DSCAM: variants seen among roughly 807,000 people sequenced by gnomAD.
DSCAM encodes the protein cell adhesion molecule DSCAM.
DSCAM carries 47 observed loss-of-function variants against 217.7 expected under a neutral mutation model. The ratio of observed to expected loss-of-function variants is 0.22; its 90% confidence interval spans 0.17 to 0.28. DSCAM has a LOEUF of 0.28. Among genes scored for constraint, DSCAM ranks in the 10% least tolerant of loss-of-function variants. The pLI is 1.00. For synonymous variants in DSCAM, 1,056 were observed against 1,015.3 expected (o/e 1.04, Z -0.76); for missense variants, 2,080 against 2,618.3 (o/e 0.79, Z 4.49).
At position 40,652,566 on chromosome 21, in the gene DSCAM, A is replaced by G. The variant is rs143127615; in HGVS notation, c.508+40244T>C. On this transcript the variant is annotated intron_variant, in intron 3 of 32. Transcript: ENST00000400454. The stretch of plus-strand genomic sequence containing the variant: ...GACCTATCCACAGGAGGCACATCCA[A>G]TGGGAGGAGACACAGTGGAAACCAC... Among the ~76,000 whole-genome samples, 1,006 of 152,262 alleles carry G rather than the reference A, an allele frequency of 6.6e-3. 11 individuals carry two copies. The highest frequency in any genetic ancestry group is 0.023 in the African/African-American group (937 of 41,538).
intron 3 of DSCAM, among the ~76,000 whole-genome samples, chr21:40,612,608 T>C (rs1030434833): frequency 7.9e-5 from 12 of 152,204 alleles, no homozygotes; most frequent in African/African-American, 2.9e-4. Context: ...CTGAGTCCTG[T>C]CCAAATCTCA....
chr21:40,528,662 A>G (rs1399107024), intron 3 of DSCAM, among the ~76,000 whole-genome samples: 1 of 152,084 alleles, frequency 6.6e-6, no homozygotes, highest in Non-Finnish European at 1.5e-5. Flanking sequence ...CCTTAAGGTC[A>G]CAAGCCTTGA....
intron 11 of DSCAM, among the ~76,000 whole-genome samples, chr21:40,205,569 C>T (rs1043526536): frequency 3.4e-5 from 5 of 148,668 alleles, no homozygotes; most frequent in Non-Finnish European, 5.9e-5. Flanking sequence ...CACCATTGCA[C>T]TCCAGCTTGG....
intron 3 of DSCAM, among the ~76,000 whole-genome samples, chr21:40,479,335 G>C (rs919935309): frequency 1.3e-5 from 2 of 152,122 alleles, no homozygotes; most frequent in Non-Finnish European, 2.9e-5. Context: ...CATCATTAAC[G>C]GTGCAGGGGT....
intron 3 of DSCAM, among the ~76,000 whole-genome samples, chr21:40,445,562 G>A (rs1436754844): frequency 6.6e-6 from 1 of 152,094 alleles, no homozygotes; most frequent in Non-Finnish European, 1.5e-5. Context: ...TGCCTCCCTT[G>A]CCCATCATCA....
intron 16 of DSCAM, among the ~76,000 whole-genome samples, chr21:40,149,073 C>T (rs953024940): frequency 3.9e-5 from 6 of 152,132 alleles, no homozygotes; most frequent in African/African-American, 1.2e-4. Context: ...CACTCAATCA[C>T]TATCCCAACA....
intron 3 of DSCAM, among the ~76,000 whole-genome samples, chr21:40,475,005 AT>A (rs1255546872): frequency 6.6e-6 from 1 of 151,824 alleles, no homozygotes; most frequent in East Asian, 1.9e-4. Flanking sequence ...AAAAAAGCCC[AT>A]CACCCCAAAC....
intron 27 of DSCAM, among the ~76,000 whole-genome samples, chr21:40,070,181 AG>A (rs2089270408): frequency 6.7e-6 from 1 of 149,896 alleles, no homozygotes; most frequent in African/African-American, 2.4e-5. Context: ...AGAAAGAGAG[AG>A]GAAGAGAAAG....
At chr21:40,552,482 T>C (rs1385372450) in intron 3 of DSCAM, among the ~76,000 whole-genome samples, 2 of 152,192 alleles carry the variant, frequency 1.3e-5, no homozygotes, top group Non-Finnish European at 2.9e-5. Context: ...CTGAGGAAGA[T>C]CTGTATATCT....
chr21:40,312,960 T>A (rs542399002), intron 8 of DSCAM, among the ~76,000 whole-genome samples: 2 of 151,968 alleles, frequency 1.3e-5, no homozygotes, highest in African/African-American at 4.8e-5. Flanking sequence ...CAACATTTTT[T>A]TAAAAAATTA....
At chr21:40,541,380 C>G (rs902708911) in intron 3 of DSCAM, among the ~76,000 whole-genome samples, 1 of 152,094 alleles carries the variant, frequency 6.6e-6, no homozygotes, top group African/African-American at 2.4e-5. Flanking sequence ...TAGTAAGCAT[C>G]AGATAATACA....
At chr21:40,600,707 A>G (rs1173570441) in intron 3 of DSCAM, among the ~76,000 whole-genome samples, 1 of 152,106 alleles carries the variant, frequency 6.6e-6, no homozygotes, top group East Asian at 1.9e-4. Flanking sequence ...GTTGTTGTTA[A>G]AGCACGTATT....
At chr21:40,295,261 A>C (rs1044327014) in intron 10 of DSCAM, among the ~76,000 whole-genome samples, 1 of 152,184 alleles carries the variant, frequency 6.6e-6, no homozygotes, top group Non-Finnish European at 1.5e-5. Context: ...ATAGTACTGA[A>C]TTCAAGTGTC....
chr21:40,489,773 T>C (rs2076060097), intron 3 of DSCAM, among the ~76,000 whole-genome samples: 2 of 2,466 alleles, frequency 8.1e-4, no homozygotes, highest in African/African-American at 2.6e-3. Context: ...AGACTCCGTC[T>C]CAAAAAAAAA....
At chr21:40,461,644 T>C (rs1446681549) in intron 3 of DSCAM, among the ~76,000 whole-genome samples, 1 of 152,200 alleles carries the variant, frequency 6.6e-6, no homozygotes, top group Non-Finnish European at 1.5e-5. Flanking sequence ...TAAGGTTTCA[T>C]GGCAAAGGGG....
chr21:40,113,860 G>A (rs2089932285), intron 20 of DSCAM, among the ~76,000 whole-genome samples: 2 of 152,242 alleles, frequency 1.3e-5, no homozygotes, highest in Middle Eastern at 3.4e-3. Flanking sequence ...TACAAGGGAT[G>A]TGAAGGACCT....
chr21:40,179,245 T>G, intron 14 of DSCAM, 151 bp from the exon 15 acceptor site: 1 of 871,830 alleles, frequency 1.1e-6, no homozygotes, highest in Non-Finnish European at 1.7e-6. Context: ...CAAAGTGATT[T>G]CTGAATGCAA....
intron 19 of DSCAM, among the ~76,000 whole-genome samples, chr21:40,127,935 C>A (rs367862510): frequency 1.3e-5 from 2 of 152,046 alleles, no homozygotes; most frequent in African/African-American, 4.8e-5. Context: ...TGATCCAGGG[C>A]CTTGGGATGC....
At chr21:40,667,083 T>C (rs1257629857) in intron 3 of DSCAM, among the ~76,000 whole-genome samples, 3 of 152,218 alleles carry the variant, frequency 2.0e-5, no homozygotes, top group Non-Finnish European at 4.4e-5. Flanking sequence ...AGCAGACTTA[T>C]CCAGGTTAAC....
Sources: gnomAD v4.1 joint callset for allele counts (sites outside exome capture counted in the v4.1 genomes callset) on GRCh38, gnomAD v4.1.1 for gene constraint, MANE v1.5 for transcripts, NCBI Gene and HGNC (gene_info 2026-07-23, HGNC 2026-07-21) for gene names.